The following NAV1 variants were observed in gnomAD, a reference collection of about 807,000 sequenced individuals.
The protein encoded by NAV1 is neuron navigator 1.
Under a neutral mutation model 175.2 loss-of-function variants are expected in NAV1, and 18 were observed. That is an observed-to-expected ratio of 0.10 (90% confidence interval 0.07 to 0.15). The LOEUF is 0.15. Among genes scored for constraint, NAV1 ranks in the 10% least tolerant of loss-of-function variants. The probability of loss-of-function intolerance (pLI) is 1.00; values close to 1 mark genes in which losing one functional copy is unlikely to be tolerated. For missense variants in NAV1, 1,731 were observed against 2,436.6 expected (o/e 0.71, Z 6.10); for synonymous variants, 897 against 978.7 (o/e 0.92, Z 1.56).
At chr1:201,648,783 G>C (rs758181914) in exon 1 of NAV1, 6 of 1,473,558 alleles carry the variant, frequency 4.1e-6, no homozygotes, top group Admixed American at 2.5e-5. Context: ...AGCGGCGGAC[G>C]GCAGAGGCAT....
chr1:201,634,134 A>C (rs1341345224), intron 2 of NAV1, among the ~76,000 whole-genome samples: 1 of 152,174 alleles, frequency 6.6e-6, no homozygotes, highest in African/African-American at 2.4e-5. Context: ...GAACTTATTT[A>C]GTCTGTCTGT....
intron 2 of NAV1, among the ~76,000 whole-genome samples, chr1:201,595,238 C>T (rs1053763670): frequency 6.6e-6 from 1 of 152,220 alleles, no homozygotes; most frequent in South Asian, 2.1e-4. Flanking sequence ...TCAATTTTGT[C>T]AGCTCTTCTG....
chr1:201,783,880 G>A (rs1195083802), intron 7 of NAV1, 28 bp downstream of exon 11: 3 of 1,571,710 alleles, frequency 1.9e-6, no homozygotes, highest in Admixed American at 3.5e-5. Flanking sequence ...CAGAACCTCG[G>A]CCTGTCTCCG....
intron 3 of NAV1, among the ~76,000 whole-genome samples, chr1:201,729,330 G>A (rs934244033): frequency 2.0e-5 from 3 of 152,248 alleles, no homozygotes; most frequent in African/African-American, 7.2e-5. Flanking sequence ...TTCTTAGCAT[G>A]TAGTGAAATA....
Position 201,623,632 on chromosome 1 carries a change from G to A in NAV1, c.-101+26G>A, listed in dbSNP as rs1330286068. 3.0e-6 allele frequency: 3 copies of A among 986,408 alleles called. No individual in the cohort carries two copies. The East Asian group carries it at 3.4e-4, about 112-fold the overall frequency. 61.1% of individuals were successfully genotyped at this position (986,408 alleles called of 1,614,324 possible). A position where few individuals can be genotyped will look rare whatever the true frequency, so the allele number is the denominator to read the frequency against. On this transcript the variant is annotated intron_variant, in intron 1 of 29. Transcript: ENST00000367302. ...GTGAGCTGGGGAGCAGGCAGGGAGG[G>A]AAGGGGGAAGAGCCATGCTGGGACC...
rs377171359 is a variant in NAV1, at chr1:201,549,143, CT to C, written c.-144+9803del. Among the ~76,000 whole-genome samples the C allele has an allele frequency of 3.7e-5, 4 of 108,018 alleles. No individual in the cohort carries two copies. The Admixed American group carries it at 4.1e-4, about 11-fold the overall frequency. The allele number at this position is 108,018 out of a possible 152,430, so 70.9% of individuals were successfully genotyped here. On this transcript the variant is annotated intron_variant, in intron 1 of 33. Coordinates refer to the NAV1 transcript ENST00000685211. ...TCTTTCTTTCTTTCTTTCTTTCTTT[CT>C]TCTTTCTCTCTCTCTCTTTCTTTCT...
rs1447283086 is a variant in NAV1 at position 201,712,843 on chromosome 1, G to A, written c.784G>A (p.Val262Met). The A allele has an allele frequency of 1.5e-5, 25 of 1,613,714 alleles. No individual in the cohort carries two copies. The East Asian group carries it at 3.6e-4, about 23-fold the overall frequency. Residue 262 changes from valine to methionine, a missense_variant, in exon 2 of 30, where the codon GTG becomes ATG. Transcript: ENST00000367296. ...CCCAGAGTCCCAGAGAAAGAGGACA[G>A]TGCAGAATGTCCTGGATCTCCGGCA...
At chr1:201,678,233 T>A (rs888252162) in intron 1 of NAV1, among the ~76,000 whole-genome samples, 2 of 152,190 alleles carry the variant, frequency 1.3e-5, no homozygotes, top group Non-Finnish European at 2.9e-5. Flanking sequence ...TTTGTGGAAA[T>A]ACTAGAACAC....
intron 11 of NAV1, 117 bp downstream of exon 15, chr1:201,789,909 A>G: frequency 1.0e-6 from 1 of 972,650 alleles, no homozygotes; most frequent in South Asian, 1.3e-5. Flanking sequence ...CTGGCTCTTC[A>G]CTGTACCCAT....
chr1:201,720,509 A>G (rs1346743632), intron 3 of NAV1, among the ~76,000 whole-genome samples: 2 of 152,194 alleles, frequency 1.3e-5, no homozygotes, highest in African/African-American at 2.4e-5. Flanking sequence ...CCTGATGGCC[A>G]TGGCAGAAAA....
chr1:201,742,611 A>G (rs1207802243), intron 3 of NAV1, among the ~76,000 whole-genome samples: 1 of 152,096 alleles, frequency 6.6e-6, no homozygotes, highest in Non-Finnish European at 1.5e-5. Context: ...CAGCACTCCT[A>G]GACTCCCTCC....
In NAV1 at chr1:201,543,682, T is replaced by C. The variant is rs539718024; in HGVS notation, c.-144+4340T>C. On this transcript the variant is annotated intron_variant, in intron 1 of 33. Coordinates refer to the NAV1 transcript ENST00000685211. Reference sequence around the variant, plus strand: ...TGTGGTAAATATGTATAACCTACAATTTACCATTTTAGCCACTTCTAAATG... The same window carrying C: ...TGTGGTAAATATGTATAACCTACAACTTACCATTTTAGCCACTTCTAAATG... Among the ~76,000 whole-genome samples the C allele has an allele frequency of 1.0e-3, 158 of 152,334 alleles. 5 individuals carry two copies. Among genetic ancestry groups the C allele is most frequent in the Admixed American group, 1.4e-3 (21 of 15,308 alleles).
chr1:201,702,386 G>A (rs569827018), intron 1 of NAV1, among the ~76,000 whole-genome samples: 1 of 152,226 alleles, frequency 6.6e-6, no homozygotes, highest in South Asian at 2.1e-4. Context: ...TTATTTTTGA[G>A]ATGGAGTTTC....
intron 1 of NAV1, among the ~76,000 whole-genome samples, chr1:201,564,297 T>C (rs942824371): frequency 6.6e-6 from 1 of 152,048 alleles, no homozygotes; most frequent in Admixed American, 6.6e-5. Flanking sequence ...TTAACTTTTC[T>C]CACCTTTAGC....
At chr1:201,617,918 C>T (rs1668050933) in intron 2 of NAV1, among the ~76,000 whole-genome samples, 2 of 152,266 alleles carry the variant, frequency 1.3e-5, no homozygotes, top group African/African-American at 2.4e-5. Flanking sequence ...AAAAGTTCCC[C>T]TCATTTCAGA....
At chr1:201,736,823 C>G (rs546673412) in intron 3 of NAV1, among the ~76,000 whole-genome samples, 138 of 152,210 alleles carry the variant, frequency 9.1e-4, no homozygotes, top group African/African-American at 3.3e-3. Context: ...TTTTTCCTCT[C>G]TCCCTCTTTG....
intron 1 of NAV1, among the ~76,000 whole-genome samples, chr1:201,695,136 C>T (rs1671134687): frequency 6.6e-6 from 1 of 152,266 alleles, no homozygotes; most frequent in South Asian, 2.1e-4. Context: ...GGACCAGCCT[C>T]TTCCATGCTC....
chr1:201,587,161 C>T (rs888893644), intron 1 of NAV1, among the ~76,000 whole-genome samples: 4 of 151,852 alleles, frequency 2.6e-5, no homozygotes, highest in Admixed American at 6.6e-5. Context: ...CAGTGAGCCA[C>T]GGTTGTGCCA....
chr1:201,782,378 T>G lies in NAV1; in HGVS notation c.1866T>G (p.Thr622=). 1 of 1,614,096 alleles carries G rather than the reference T, an allele frequency of 6.2e-7. No individual in the cohort carries two copies. The highest frequency in any genetic ancestry group is 8.5e-7 in the Non-Finnish European group (1 of 1,180,004). ...CAGGCACAGCCACTGTCATGCAAAC[T>G]GGTGGTTCAGCCACTCTCAGCAAGA... Residue 622 remains threonine, a synonymous_variant, in exon 6 of 30, where the codon ACT becomes ACG. Coordinates refer to ENST00000367296, the Ensembl canonical transcript of NAV1. This position sits in a 1 kb window ranked among gnomAD's most constrained non-coding sequence, Gnocchi z 5.4.
Sources: allele counts gnomAD v4.1 joint callset (sites outside exome capture counted in the v4.1 genomes callset), GRCh38; gene constraint gnomAD v4.1.1; non-coding constraint Gnocchi (gnomAD v3.1); transcripts MANE v1.5; gene names NCBI Gene and HGNC (gene_info 2026-07-23, HGNC 2026-07-21).